COL1A2: variants seen among roughly 807,000 people sequenced by gnomAD.
COL1A2 encodes collagen type I alpha 2 chain, also known as collagen alpha-2(I) chain.
In COL1A2, 49 loss-of-function variants were observed where a neutral mutation model predicts 174.3. The ratio of observed to expected loss-of-function variants is 0.28; its 90% CI spans 0.22 to 0.36. COL1A2 has a LOEUF of 0.36. Among genes scored for constraint, COL1A2 ranks in the 10% least tolerant of loss-of-function variants. The pLI is 1.00. For synonymous variants in COL1A2, 655 were observed against 606.6 expected (o/e 1.08, Z -1.17); for missense variants, 1,438 against 1,822.7 (o/e 0.79, Z 3.84).
At chr7:94,403,945 A>C (rs1276040823) in intron 6 of COL1A2, among the ~76,000 whole-genome samples, 1 of 152,194 alleles carries the variant, frequency 6.6e-6, no homozygotes, top group Non-Finnish European at 1.5e-5. Flanking sequence ...ATAATATCAT[A>C]TAATAGACTC....
intron 16 of COL1A2, 120 bp from the exon 17 acceptor site, chr7:94,409,202 A>C: frequency 1.0e-6 from 1 of 978,110 alleles, no homozygotes. Flanking sequence ...AAAACGGATA[A>C]GAAAAATAAT....
rs1220215786 is a variant in COL1A2, at chr7:94,430,105, C to T, written c.3955-142C>T. ...AAAGACACCCTTGATACTGTTATTTCAAGGATGAACTTATTTATCTGGGAC... is the reference window on the plus strand; with the variant it reads ...AAAGACACCCTTGATACTGTTATTTTAAGGATGAACTTATTTATCTGGGAC... On this transcript the variant is annotated intron_variant, in intron 51 of 51. Coordinates refer to ENST00000297268, the MANE Select transcript of COL1A2 (RefSeq NM_000089.4). The T allele has an allele frequency of 9.5e-6, 8 of 838,046 alleles. No individual in the cohort carries two copies. The East Asian group carries it at 2.1e-4, about 22-fold the overall frequency. 51.9% of individuals were successfully genotyped at this position (838,046 alleles called of 1,614,324 possible).
In COL1A2 at chr7:94,421,020, T is replaced by C; in HGVS notation, c.2307T>C (p.Gly769=). The C allele has an allele frequency of 6.2e-7, 1 of 1,614,022 alleles. No individual in the cohort carries two copies. The highest frequency in any genetic ancestry group is 1.1e-5 in the South Asian group (1 of 91,080). ...TTGTTTGCATTTAGGGTCCAAATGG[T>C]CCCCCCGGTCCTGCTGGAAGTCGTG... ...VGAAGPAGPN[G]PPGPAGSRGD... is the part of the protein sequence containing the mutation. Residue 769 remains glycine, a synonymous_variant, in exon 38 of 52, where the codon GGT becomes GGC. Coordinates refer to ENST00000297268, the MANE Select transcript of COL1A2 (RefSeq NM_000089.4).
intron 38 of COL1A2, chr7:94,421,498 A>G (rs1792163281): frequency 2.7e-6 from 1 of 363,960 alleles, no homozygotes; most frequent in African/African-American, 2.1e-5. Flanking sequence ...TCTTTTGTCC[A>G]TGAACACCAT....
intron 6 of COL1A2, among the ~76,000 whole-genome samples, chr7:94,404,119 A>G (rs567605151): frequency 2.5e-4 from 38 of 152,310 alleles, no homozygotes; most frequent in African/African-American, 8.4e-4. Flanking sequence ...TTTTCAATTT[A>G]TGTCCTTTGT....
chr7:94,421,102 C>A, intron 38 of COL1A2, 40 bp downstream of exon 38: 3 of 1,600,030 alleles, frequency 1.9e-6, no homozygotes, highest in Non-Finnish European at 1.7e-6. Flanking sequence ...TTTCTTTTTT[C>A]AGAATCTATT....
At chr7:94,409,279 C>T (rs1267381874) in intron 16 of COL1A2, 43 bp from the exon 17 acceptor site, 3 of 1,540,718 alleles carry the variant, frequency 1.9e-6, no homozygotes, top group Non-Finnish European at 2.7e-6. Context: ...TATGCTGTTT[C>T]ATTATTTGCT....
In COL1A2 at chr7:94,420,044, T is replaced by C. The variant is rs42528; in HGVS notation, c.2080-189T>C. 0.66 allele frequency among the ~76,000 whole-genome samples: 100,581 copies of C among 152,064 alleles called. 34,217 individuals are homozygous for C. The highest frequency in any genetic ancestry group is 0.75 in the Non-Finnish European group (50,893 of 67,992). ...GTTTTCTCAAGTGTATAACCCATACTACTTAACCCCCAAAATGAATATAGC... is the reference window on the plus strand; with the variant it reads ...GTTTTCTCAAGTGTATAACCCATACCACTTAACCCCCAAAATGAATATAGC... On this transcript the variant is annotated intron_variant, in intron 34 of 51. Transcript: ENST00000297268.
intron 44 of COL1A2, 53 bp from the exon 45 acceptor site, chr7:94,425,945 G>C: frequency 4.4e-6 from 7 of 1,606,564 alleles, no homozygotes; most frequent in Non-Finnish European, 6.0e-6. Context: ...TGGAGGAGTG[G>C]GGAGGGGTAT....
Position 94,427,028 on chromosome 7 carries a change from T to A in COL1A2, c.3126T>A (p.Gly1042=). 6.2e-7 allele frequency: 1 copy of A among 1,613,968 alleles called. No homozygotes were observed. Among genetic ancestry groups the A allele is most frequent in the Non-Finnish European group, 8.5e-7 (1 of 1,179,994 alleles). Residue 1042 remains glycine (G), a synonymous_variant, in exon 47 of 52, where the codon GGT becomes GGA. Coordinates refer to ENST00000297268, the MANE Select transcript of COL1A2 (RefSeq NM_000089.4). ...PGIAGHHGDQ[G]APGSVGPAGP... ...TAAAGGGTCACCATGGTGATCAAGG[T>A]GCTCCTGGCTCCGTGGGTCCTGCTG...
chr7:94,415,221 T>C lies in COL1A2; in HGVS notation c.1720-5T>C. On this transcript the variant is annotated splice_polypyrimidine_tract_variant and splice_region_variant and intron_variant, in intron 29 of 51. Transcript: ENST00000297268. Reference sequence around the variant, plus strand: ...TTTCATGCTTTATTCTCATGTTTTGTCTAGGGTCTCCATGGTGAGTTTGGT... The same window carrying C: ...TTTCATGCTTTATTCTCATGTTTTGCCTAGGGTCTCCATGGTGAGTTTGGT... The C allele has an allele frequency of 1.2e-6, 2 of 1,613,178 alleles. No individual in the cohort carries two copies. The highest frequency in any genetic ancestry group is 2.2e-5 in the South Asian group (2 of 91,072).
chr7:94,413,229 T>G (rs1419959937), intron 26 of COL1A2, 93 bp downstream of exon 26: 1 of 1,318,610 alleles, frequency 7.6e-7, no homozygotes, highest in African/African-American at 1.4e-5. Flanking sequence ...TTTTGTCACT[T>G]TCTTTTCAAG....
intron 39 of COL1A2, chr7:94,422,396 A>C: frequency 6.2e-6 from 1 of 161,104 alleles, no homozygotes; most frequent in Non-Finnish European, 1.4e-5. Flanking sequence ...ACCAAGGATT[A>C]AGTCTTCTGG....
At chr7:94,405,104 G>T (rs1791768035) in intron 9 of COL1A2, 95 bp from the exon 10 acceptor site, 4 of 1,304,380 alleles carry the variant, frequency 3.1e-6, no homozygotes, top group Admixed American at 3.6e-5. Context: ...ATTTTTATGT[G>T]ATAACTTTCT....
intron 31 of COL1A2, chr7:94,416,778 T>C (rs1792051541): frequency 2.3e-6 from 1 of 431,838 alleles, no homozygotes; most frequent in Non-Finnish European, 4.2e-6. Context: ...CTGTTTATGC[T>C]TTTGTTTTAA....
Position 94,416,848 on chromosome 7 carries a change from A to G in COL1A2, c.1863+345A>G, listed in dbSNP as rs918216180. On this transcript the variant is annotated intron_variant, in intron 31 of 51. Transcript: ENST00000297268. ...AGAGAAAATAACTTTTTATCTTAACATCTCATCCCATAGAGTAAAATTTCA... is the reference window on the plus strand; with the variant it reads ...AGAGAAAATAACTTTTTATCTTAACGTCTCATCCCATAGAGTAAAATTTCA... The G allele has an allele frequency of 4.2e-5, 9 of 215,804 alleles. No individual in the cohort carries two copies. In the South Asian group the frequency reaches 4.2e-4, roughly 10 times the overall value. The allele number at this position is 215,804 out of a possible 1,614,324, so 13.4% of individuals were successfully genotyped here. A position where few individuals can be genotyped will look rare whatever the true frequency, so the allele number is the denominator to read the frequency against.
At chr7:94,414,490 CT>C (rs1468952609) in intron 29 of COL1A2, among the ~76,000 whole-genome samples, 2 of 152,126 alleles carry the variant, frequency 1.3e-5, no homozygotes, top group Non-Finnish European at 2.9e-5. Context: ...GAAACATCAC[CT>C]TATGAAAGTA....
In COL1A2 at chr7:94,430,416, AAG is replaced by A; in HGVS notation, c.*25_*26del. The A allele has an allele frequency of 6.2e-7, 1 of 1,609,758 alleles. No individual in the cohort carries two copies. Among genetic ancestry groups the A allele is most frequent in the East Asian group, 2.2e-5 (1 of 44,864 alleles). ...TAAATGAACTCAATCTAAATTAAAAAAGAAAGAAATTTGAAAAAACTTTCTCT... is the reference window on the plus strand; with the variant it reads ...TAAATGAACTCAATCTAAATTAAAAAAAAGAAATTTGAAAAAACTTTCTCT... On this transcript the variant is annotated 3_prime_UTR_variant, in exon 52 of 52. Coordinates refer to ENST00000297268, the MANE Select transcript of COL1A2 (RefSeq NM_000089.4).
Position 94,421,039 on chromosome 7 carries a change from A to G in COL1A2, c.2326A>G (p.Ser776Gly), listed in dbSNP as rs1271752296. Residue 776 changes from serine to glycine, a missense_variant, in exon 38 of 52, where the codon AGT (serine) becomes GGT (glycine). Physicochemically the swap from Ser to Gly is moderately conservative, Grantham distance 56 (BLOSUM62 0). Transcript: ENST00000297268. ...AAATGGTCCCCCCGGTCCTGCTGGA[A>G]GTCGTGGTGATGGAGGCCCCCCTGT... ...GPNGPPGPAG[S>G]RGDGGPPGMT... 6.2e-7 allele frequency: 1 copy of G among 1,614,142 alleles called. No homozygotes were observed. The highest frequency in any genetic ancestry group is 2.2e-5 in the East Asian group (1 of 44,874).
Sources: gnomAD v4.1 joint callset for allele counts (sites outside exome capture counted in the v4.1 genomes callset) on GRCh38, gnomAD v4.1.1 for gene constraint, MANE v1.5 for transcripts, NCBI Gene and HGNC (gene_info 2026-07-23, HGNC 2026-07-21) for gene names.